Variants in FSTL5 observed in about 807,000 individuals in gnomAD.
FSTL5 encodes the protein follistatin-related protein 5.
FSTL5 carries 62 observed loss-of-function variants against 89.1 expected under a neutral mutation model. The observed-to-expected ratio is 0.70, with a 90% CI of 0.57 to 0.86. The LOEUF (loss-of-function observed/expected upper bound fraction) is 0.86. Among genes scored for constraint, FSTL5 ranks in the 40% least tolerant of loss-of-function variants. FSTL5 has a pLI of 0.00. For synonymous variants in FSTL5, 383 were observed against 346.2 expected, an observed-to-expected ratio of 1.11 and a Z score of -1.18; for missense variants, 1,057 against 1,001.6, an observed-to-expected ratio of 1.06 and a Z score of -0.75.
chr4:161,992,223 C>T (rs924180870), intron 3 of FSTL5, among the ~76,000 whole-genome samples: 5 of 152,168 alleles, frequency 3.3e-5, no homozygotes, highest in African/African-American at 1.2e-4. Flanking sequence ...ATCTGAATGG[C>T]TCTGGCTACT....
intron 12 of FSTL5, among the ~76,000 whole-genome samples, chr4:161,499,200 T>TTAAAA (rs762774799): frequency 1.1e-4 from 16 of 152,222 alleles, no homozygotes; most frequent in African/African-American, 1.4e-4. Flanking sequence ...AGATTCTGTC[T>TTAAAA]TAAAATAAAA....
chr4:162,085,377 G>C (rs972447600), intron 2 of FSTL5, among the ~76,000 whole-genome samples: 3 of 151,772 alleles, frequency 2.0e-5, no homozygotes, highest in Non-Finnish European at 4.4e-5. Context: ...CACTAAAAAA[G>C]TACTTAACAA....
chr4:161,865,575 C>T (rs1317967899), intron 4 of FSTL5, among the ~76,000 whole-genome samples: 1 of 152,066 alleles, frequency 6.6e-6, no homozygotes, highest in Non-Finnish European at 1.5e-5. Context: ...CATGATAAGA[C>T]ATAGAAGCAG....
intron 6 of FSTL5, among the ~76,000 whole-genome samples, chr4:161,681,316 G>A (rs1156424425): frequency 6.6e-6 from 1 of 152,016 alleles, no homozygotes; most frequent in Non-Finnish European, 1.5e-5. Flanking sequence ...GAAAAACTGA[G>A]AAATATAAAA....
chr4:161,769,901 A>G (rs546431190), intron 5 of FSTL5, among the ~76,000 whole-genome samples: 2 of 152,020 alleles, frequency 1.3e-5, no homozygotes, highest in South Asian at 4.1e-4. Flanking sequence ...TATTTGAAAA[A>G]AAAAACCTAA....
intron 5 of FSTL5, among the ~76,000 whole-genome samples, chr4:161,759,858 A>T (rs1436832816): frequency 6.6e-6 from 1 of 151,898 alleles, no homozygotes; most frequent in African/African-American, 2.4e-5. Flanking sequence ...TACTGACTCA[A>T]GGAAATACTT....
chr4:161,938,792 T>C (rs953483210), intron 3 of FSTL5, among the ~76,000 whole-genome samples: 3 of 152,074 alleles, frequency 2.0e-5, no homozygotes, highest in Admixed American at 2.0e-4. Context: ...ATTAGCTGTA[T>C]TCTTATGAAT....
intron 8 of FSTL5, among the ~76,000 whole-genome samples, chr4:161,561,895 C>T (rs1341350279): frequency 1.3e-5 from 2 of 152,010 alleles, no homozygotes; most frequent in Admixed American, 6.6e-5. Flanking sequence ...AGCCCACACA[C>T]ATTGTTGCAA....
At chr4:161,848,036 CAAA>C (rs139315536) in intron 4 of FSTL5, among the ~76,000 whole-genome samples, 2 of 48,218 alleles carry the variant, frequency 4.1e-5, no homozygotes, top group African/African-American at 9.1e-5. Context: ...GACTCCGTCT[CAAA>C]AAAAAAAAAA....
intron 6 of FSTL5, among the ~76,000 whole-genome samples, chr4:161,720,009 T>G (rs531307876): frequency 6.6e-6 from 1 of 152,244 alleles, no homozygotes; most frequent in South Asian, 2.1e-4. Context: ...CTTTATTGGC[T>G]ATTACACCAA....
At chr4:161,625,163 C>T (rs1735271204) in intron 7 of FSTL5, among the ~76,000 whole-genome samples, 1 of 152,050 alleles carries the variant, frequency 6.6e-6, no homozygotes. Context: ...AATAAATTAA[C>T]AATGTTTCTA....
At chr4:162,066,314 C>CTTCTTCTTCT (rs1553996286) in intron 2 of FSTL5, among the ~76,000 whole-genome samples, 5 of 50,718 alleles carry the variant, frequency 9.9e-5, no homozygotes, top group Admixed American at 2.6e-4. Flanking sequence ...TCTTCTTCTT[C>CTTCTTCTTCT]TTCTTCTTCT....
intron 8 of FSTL5, among the ~76,000 whole-genome samples, chr4:161,550,567 T>G (rs1447415485): frequency 2.0e-5 from 3 of 146,412 alleles, no homozygotes; most frequent in African/African-American, 7.8e-5. Flanking sequence ...TTTTATTTAT[T>G]TATTTATTTA....
chr4:161,445,432 A>G (rs1732912897), intron 15 of FSTL5, among the ~76,000 whole-genome samples: 1 of 151,904 alleles, frequency 6.6e-6, no homozygotes, highest in Non-Finnish European at 1.5e-5. Flanking sequence ...TGAATTTTTT[A>G]ATCTTTTACT....
chr4:161,636,446 G>GTTTTTTTTTTTTTTTTTTTTTT (rs796867744), intron 7 of FSTL5, among the ~76,000 whole-genome samples: 4 of 109,774 alleles, frequency 3.6e-5, no homozygotes, highest in South Asian at 2.9e-4. Context: ...TCTGGCAGTT[G>GTTTTTTTTTTTTTTTTTTTTTT]TTTTTTTTTT....
At chr4:161,578,765 G>A (rs1733326259) in intron 8 of FSTL5, among the ~76,000 whole-genome samples, 1 of 151,904 alleles carries the variant, frequency 6.6e-6, no homozygotes, top group Non-Finnish European at 1.5e-5. Context: ...TAGAAATACA[G>A]CAGATGTCCT....
intron 4 of FSTL5, among the ~76,000 whole-genome samples, chr4:161,917,812 A>T (rs1733882482): frequency 6.6e-6 from 1 of 152,092 alleles, no homozygotes; most frequent in Non-Finnish European, 1.5e-5. Context: ...CAAGTACTCA[A>T]CTCTCCTTTC....
chr4:162,074,709 G>A (rs965025233), intron 2 of FSTL5, among the ~76,000 whole-genome samples: 12 of 151,590 alleles, frequency 7.9e-5, no homozygotes, highest in African/African-American at 2.9e-4. Flanking sequence ...TATACATTGT[G>A]GGATGGTTGA....
intron 3 of FSTL5, among the ~76,000 whole-genome samples, chr4:161,966,179 G>A (rs1396110066): frequency 6.6e-6 from 1 of 152,036 alleles, no homozygotes; most frequent in African/African-American, 2.4e-5. Flanking sequence ...TTCTTACTAA[G>A]GCATGAGCAA....
Sources: allele counts gnomAD v4.1 joint callset (sites outside exome capture counted in the v4.1 genomes callset), GRCh38; gene constraint gnomAD v4.1.1; transcripts MANE v1.5; gene names NCBI Gene and HGNC (gene_info 2026-07-23, HGNC 2026-07-21).